Variants in PCDHA10 observed in about 807,000 individuals in gnomAD.
PCDHA10 encodes the protein protocadherin alpha-10.
Under a neutral mutation model 61.2 loss-of-function variants are expected in PCDHA10, and 45 were observed. The ratio of observed to expected loss-of-function variants is 0.74; its 90% CI spans 0.58 to 0.94. The LOEUF (loss-of-function observed/expected upper bound fraction) is 0.94. Among genes scored for constraint, PCDHA10 ranks in the 40% least tolerant of loss-of-function variants. The pLI, the probability that PCDHA10 is intolerant of heterozygous loss-of-function variation, is 0.00. For missense variants in PCDHA10, 1,278 were observed against 1,236.2 expected, an observed-to-expected ratio of 1.03 and a Z score of -0.51; for synonymous variants, 602 against 548.8, an observed-to-expected ratio of 1.10 and a Z score of -1.35.
intron 1 of PCDHA10, chr5:140,869,202 C>T (rs2050919461): frequency 3.1e-6 from 5 of 1,613,890 alleles, no homozygotes; most frequent in African/African-American, 2.7e-5. Flanking sequence ...AGCTCCACTA[C>T]TCCGTCTCGG....
intron 1 of PCDHA10, chr5:140,927,681 G>A: frequency 6.2e-7 from 1 of 1,614,180 alleles, no homozygotes; most frequent in Non-Finnish European, 8.5e-7. Flanking sequence ...CAGATGAAGG[G>A]TCCAATGGGG....
intron 1 of PCDHA10, among the ~76,000 whole-genome samples, chr5:140,952,925 G>T (rs144855694): frequency 8.2e-4 from 125 of 152,200 alleles, no homozygotes; most frequent in African/African-American, 2.8e-3. Flanking sequence ...GGCATGAGCA[G>T]GAGCAGGAGC....
chr5:140,998,746 A>C (rs1473770059), intron 3 of PCDHA10, among the ~76,000 whole-genome samples: 2 of 151,954 alleles, frequency 1.3e-5, no homozygotes, highest in Non-Finnish European at 2.9e-5. Context: ...GTATTTTTAG[A>C]AGAGACACAG....
At chr5:140,876,153 G>T in intron 1 of PCDHA10, 2 of 1,613,964 alleles carry the variant, frequency 1.2e-6, no homozygotes, top group South Asian at 2.2e-5. Context: ...GGTCTGTCCA[G>T]ATTCAAATAA....
At chr5:140,898,371 G>A (rs13156913) in intron 1 of PCDHA10, among the ~76,000 whole-genome samples, 3 of 152,142 alleles carry the variant, frequency 2.0e-5, no homozygotes, top group African/African-American at 7.2e-5. Flanking sequence ...TTTGTATAAG[G>A]TGTAAGGAAG....
chr5:140,979,898 G>A (rs1253481087), intron 2 of PCDHA10, among the ~76,000 whole-genome samples: 2 of 152,212 alleles, frequency 1.3e-5, no homozygotes, highest in Non-Finnish European at 1.5e-5. Context: ...ACCAAACTTA[G>A]ATCAGTTCGT....
chr5:141,009,791 CCTA>C lies in PCDHA10; in HGVS notation c.2705_2707del (p.Thr902del), dbSNP rs2098414479. 1.2e-6 allele frequency: 2 copies of C among 1,613,966 alleles called. No homozygotes were observed. Among genetic ancestry groups the C allele is most frequent in the African/African-American group, 2.7e-5 (2 of 74,882 alleles). On this transcript the variant is annotated inframe_deletion, in exon 4 of 4. Coordinates refer to ENST00000307360, the MANE Select transcript of PCDHA10 (RefSeq NM_018901.4). ...TGCAATCATCTCCATCCGGCAGGAGCCTACTAACAGCCAAATTGACAAAAGTGA... is the reference window on the plus strand; with the variant it reads ...TGCAATCATCTCCATCCGGCAGGAGCCTAACAGCCAAATTGACAAAAGTGA...
intron 1 of PCDHA10, chr5:140,866,074 T>C (rs1409925126): frequency 6.6e-6 from 1 of 152,180 alleles, no homozygotes; most frequent in Non-Finnish European, 1.5e-5. Context: ...CTGAGATAGG[T>C]ATTTTGGTTA....
At chr5:140,933,262 T>G (rs2088985963) in intron 1 of PCDHA10, among the ~76,000 whole-genome samples, 1 of 152,012 alleles carries the variant, frequency 6.6e-6, no homozygotes, top group South Asian at 2.1e-4. Flanking sequence ...AAAAGGTTAT[T>G]ATATATTCAT....
chr5:140,893,568 C>T (rs1554185659), intron 1 of PCDHA10, among the ~76,000 whole-genome samples: 1 of 152,150 alleles, frequency 6.6e-6, no homozygotes, highest in Non-Finnish European at 1.5e-5. Flanking sequence ...TGTACTTCCT[C>T]AGTTTTTGCT....
intron 1 of PCDHA10, among the ~76,000 whole-genome samples, chr5:140,941,256 T>TTTCTTTCTTTCTTTCA (rs2092982969): frequency 2.2e-5 from 1 of 45,974 alleles, no homozygotes. Flanking sequence ...TCTTTCTTTC[T>TTTCTTTCTTTCTTTCA]CTTTCTTTCT....
chr5:140,984,392 G>C (rs914978799), intron 3 of PCDHA10, among the ~76,000 whole-genome samples: 1 of 152,156 alleles, frequency 6.6e-6, no homozygotes, highest in South Asian at 2.1e-4. Context: ...TTCAAAAAAT[G>C]TTGAGAACCT....
In PCDHA10 at chr5:140,931,701, A is replaced by G. The variant is rs78657610; in HGVS notation, c.2389-47248A>G. Among the ~76,000 whole-genome samples the G allele has an allele frequency of 8.3e-3, 1,259 of 152,106 alleles. 10 individuals are homozygous for G. Among genetic ancestry groups the G allele is most frequent in the Non-Finnish European group, 0.014 (970 of 67,850 alleles). ...TAAATGAATTGTGATTCATAAAACC[A>G]TGAATAAAATAACTTCTATAAATAT... On this transcript the variant is annotated intron_variant, in intron 1 of 3. Coordinates refer to ENST00000307360, the MANE Select transcript of PCDHA10 (RefSeq NM_018901.4).
intron 1 of PCDHA10, among the ~76,000 whole-genome samples, chr5:140,963,268 T>C (rs1329086504): frequency 6.6e-6 from 1 of 152,042 alleles, no homozygotes; most frequent in African/African-American, 2.4e-5. Flanking sequence ...GACTTTGAAA[T>C]GTATGTAAGA....
chr5:140,925,082 AAAGGAAGGAAGG>A (rs138596875), intron 1 of PCDHA10, among the ~76,000 whole-genome samples: 78 of 147,388 alleles, frequency 5.3e-4, no homozygotes, highest in African/African-American at 1.8e-3. Context: ...GCTCATCTGG[AAAGGAAGGAAGG>A]AAGGAAGGAA....
At chr5:140,997,302 G>A (rs1430183310) in intron 3 of PCDHA10, among the ~76,000 whole-genome samples, 2 of 152,154 alleles carry the variant, frequency 1.3e-5, no homozygotes, top group Non-Finnish European at 2.9e-5. Flanking sequence ...GATACACTGA[G>A]AAATGTGTCT....
chr5:140,924,747 T>G (rs1026870483), intron 1 of PCDHA10, among the ~76,000 whole-genome samples: 2 of 151,786 alleles, frequency 1.3e-5, no homozygotes, highest in African/African-American at 4.8e-5. Flanking sequence ...ATACAAAAAT[T>G]AACCGAGCAT....
In PCDHA10 at chr5:140,857,385, A is replaced by T. The variant is rs1300471931; in HGVS notation, c.1337A>T (p.Asp446Val). The change falls in exon 1 of 4, where the codon GAC becomes GTC. Residue 446 changes from aspartate (D) to valine (V), a missense_variant. Asp to Val is a radical substitution (Grantham distance 152, BLOSUM62 -3). Coordinates refer to ENST00000307360, the MANE Select transcript of PCDHA10 (RefSeq NM_018901.4). ...ATASVSVEVA[D>V]VNDNAPAFAQ... ...GCCAGCGTGTCTGTGGAGGTGGCCG[A>T]CGTGAACGACAACGCGCCTGCGTTC... The T allele has an allele frequency of 1.8e-5, 29 of 1,598,230 alleles. 2 individuals carry two copies. Among genetic ancestry groups the T allele is most frequent in the Non-Finnish European group, 2.3e-5 (27 of 1,167,886 alleles).
chr5:140,884,020 G>C (rs61734917), intron 1 of PCDHA10: 236 of 1,613,292 alleles, frequency 1.5e-4, no homozygotes, highest in Non-Finnish European at 1.9e-4. Flanking sequence ...TGCCGCGGTC[G>C]GTGGGTGCAG....
Sources: gnomAD v4.1 joint callset for allele counts (sites outside exome capture counted in the v4.1 genomes callset) on GRCh38, gnomAD v4.1.1 for gene constraint, MANE v1.5 for transcripts, NCBI Gene and HGNC (gene_info 2026-07-23, HGNC 2026-07-21) for gene names.